The following SNAP23 variants were observed in gnomAD, a reference collection of about 807,000 sequenced individuals.
SNAP23 encodes synaptosome associated protein 23.
In SNAP23, 11 loss-of-function variants were observed where a neutral mutation model predicts 29.0. The ratio of observed to expected loss-of-function variants is 0.38; its 90% confidence interval spans 0.24 to 0.63. SNAP23 has a LOEUF of 0.63. Ranked by LOEUF, SNAP23 falls within the 20% of genes least tolerant of loss-of-function variation. The pLI is 0.58. For missense variants in SNAP23, 220 were observed against 253.9 expected (o/e 0.87, Z 0.91); for synonymous variants, 60 against 82.9 (o/e 0.72, Z 1.50).
chr15:42,513,021 T>A, intron 3 of SNAP23, 25 bp downstream of exon 3: 1 of 1,560,476 alleles, frequency 6.4e-7, no homozygotes, highest in Non-Finnish European at 8.8e-7. Flanking sequence ...GTCATCAACT[T>A]AAGTATAGAA....
At position 42,528,348 on chromosome 15, in the gene SNAP23, A is replaced by G; in HGVS notation, c.353A>G (p.Gln118Arg). Residue 118 changes from glutamine to arginine, a missense_variant, in exon 6 of 8, where the codon CAG becomes CGG. By Grantham distance (43) the Gln-to-Arg change is conservative. Transcript: ENST00000249647. The stretch of plus-strand genomic sequence containing the variant: ...TCACCTTGCAATGTAGTATCTAAAC[A>G]GCCAGGCCCGGTGACAAATGGTCAG... ...ENSPCNVVSK[Q>R]PGPVTNGQLQ... is the part of the protein sequence containing the mutation. The G allele has an allele frequency of 4.3e-6, 7 of 1,614,176 alleles. No homozygotes were observed. The South Asian group carries it at 6.6e-5, about 15-fold the overall frequency.
intron 1 of SNAP23, among the ~76,000 whole-genome samples, chr15:42,498,016 G>A (rs1194804022): frequency 6.6e-6 from 1 of 152,216 alleles, no homozygotes; most frequent in African/African-American, 2.4e-5. Context: ...TGCCAAGGGT[G>A]GGCTCCCAAG....
At chr15:42,497,074 ACT>A (rs1341305955) in intron 1 of SNAP23, among the ~76,000 whole-genome samples, 3 of 143,032 alleles carry the variant, frequency 2.1e-5, no homozygotes, top group African/African-American at 7.8e-5. Flanking sequence ...GGAGTCTCAC[ACT>A]CTGTCACCCA....
At chr15:42,497,594 C>T (rs942627085) in intron 1 of SNAP23, among the ~76,000 whole-genome samples, 4 of 152,192 alleles carry the variant, frequency 2.6e-5, no homozygotes, top group Admixed American at 2.6e-4. Context: ...CCACCCACCT[C>T]ATCTTCCCAA....
chr15:42,504,010 T>A (rs1314672846), intron 1 of SNAP23, among the ~76,000 whole-genome samples: 2 of 151,758 alleles, frequency 1.3e-5, no homozygotes, highest in African/African-American at 4.8e-5. Context: ...AGAGAGGAAG[T>A]AAAAGGAGGA....
chr15:42,499,794 A>G (rs1389011483), intron 1 of SNAP23, among the ~76,000 whole-genome samples: 4 of 152,182 alleles, frequency 2.6e-5, no homozygotes, highest in African/African-American at 7.2e-5. Context: ...TGTGATCTCT[A>G]TGATGATGTT....
chr15:42,510,021 G>T (rs2057347942), intron 1 of SNAP23, among the ~76,000 whole-genome samples: 2 of 152,004 alleles, frequency 1.3e-5, no homozygotes, highest in South Asian at 4.1e-4. Flanking sequence ...GTGAGTCAGG[G>T]TTACACCACT....
chr15:42,526,475 T>C (rs1665474061), intron 5 of SNAP23, among the ~76,000 whole-genome samples: 1 of 152,224 alleles, frequency 6.6e-6, no homozygotes. Context: ...AAAAAATTAG[T>C]AGTATCCTTT....
intron 6 of SNAP23, among the ~76,000 whole-genome samples, chr15:42,528,729 G>C (rs979327289): frequency 6.6e-6 from 1 of 152,092 alleles, no homozygotes; most frequent in African/African-American, 2.4e-5. Flanking sequence ...GGGACTACAG[G>C]TGTGCGCCAC....
chr15:42,512,835 C>G, intron 2 of SNAP23, 120 bp from the exon 3 acceptor site: 2 of 692,394 alleles, frequency 2.9e-6, no homozygotes, highest in South Asian at 3.5e-5. Context: ...TAGGCATGAG[C>G]CACTGTGCCC....
intron 1 of SNAP23, among the ~76,000 whole-genome samples, chr15:42,499,518 T>C (rs746894410): frequency 2.6e-5 from 4 of 152,284 alleles, no homozygotes; most frequent in Admixed American, 2.0e-4. Context: ...TAGAGTACTG[T>C]TGTTATTTTA....
At chr15:42,510,850 T>C (rs1273838695) in intron 1 of SNAP23, among the ~76,000 whole-genome samples, 2 of 152,132 alleles carry the variant, frequency 1.3e-5, no homozygotes, top group African/African-American at 4.8e-5. Context: ...TCCCTGCCTC[T>C]ACCTACTAGA....
chr15:42,524,400 C>T (rs2057477760), intron 5 of SNAP23, among the ~76,000 whole-genome samples: 1 of 152,134 alleles, frequency 6.6e-6, no homozygotes, highest in Non-Finnish European at 1.5e-5. Flanking sequence ...CACTATTGGT[C>T]CACGGCCTGT....
At chr15:42,530,546 G>A (rs991459031) in intron 7 of SNAP23, among the ~76,000 whole-genome samples, 2 of 152,146 alleles carry the variant, frequency 1.3e-5, no homozygotes, top group Non-Finnish European at 2.9e-5. Context: ...GATTGCTTGA[G>A]CTCAGGAGTT....
chr15:42,521,491 G>T, intron 5 of SNAP23: 1 of 1,349,156 alleles, frequency 7.4e-7, no homozygotes, highest in Non-Finnish European at 9.5e-7. Context: ...GCAGGAAATT[G>T]AATGCATTAT....
intron 5 of SNAP23, among the ~76,000 whole-genome samples, chr15:42,519,388 T>TG (rs1423519395): frequency 1.3e-5 from 2 of 150,920 alleles, no homozygotes; most frequent in African/African-American, 2.4e-5. Flanking sequence ...TTTTTTTTTT[T>TG]TGAGACAGAG....
intron 4 of SNAP23, among the ~76,000 whole-genome samples, chr15:42,514,004 G>T (rs905450324): frequency 1.8e-4 from 7 of 37,978 alleles, no homozygotes; most frequent in Non-Finnish European, 1.7e-3. Context: ...TAGTAGAGAC[G>T]GGGTTTTACC....
At chr15:42,501,684 T>C (rs1010212226) in intron 1 of SNAP23, among the ~76,000 whole-genome samples, 4 of 152,210 alleles carry the variant, frequency 2.6e-5, no homozygotes, top group Admixed American at 2.6e-4. Flanking sequence ...TGTGCTGAGA[T>C]TGTAAGCATG....
intron 2 of SNAP23, chr15:42,512,239 T>G (rs1255746873): frequency 6.1e-6 from 1 of 164,810 alleles, no homozygotes; most frequent in Non-Finnish European, 1.3e-5. Context: ...CATTAAATTT[T>G]TATTCCCATG....
Sources: gnomAD v4.1 joint callset for allele counts (sites outside exome capture counted in the v4.1 genomes callset) on GRCh38, gnomAD v4.1.1 for gene constraint, MANE v1.5 for transcripts, NCBI Gene and HGNC (gene_info 2026-07-23, HGNC 2026-07-21) for gene names.